BBX: variants seen among roughly 807,000 people sequenced by gnomAD.
The protein encoded by BBX is BBX high mobility group box domain containing, also known as HMG box transcription factor BBX.
BBX carries 30 observed loss-of-function variants against 100.2 expected under a neutral mutation model. That is an observed-to-expected ratio of 0.30 (90% CI 0.22 to 0.41). The LOEUF is 0.41. Among genes scored for constraint, BBX ranks in the 10% least tolerant of loss-of-function variants. The probability of loss-of-function intolerance (pLI) is 1.00; values close to 1 mark genes in which losing one functional copy is unlikely to be tolerated. For synonymous variants in BBX, 376 were observed against 388.1 expected (o/e 0.97, Z 0.37); for missense variants, 1,023 against 1,129.8 (o/e 0.91, Z 1.35).
chr3:107,791,124 G>T (rs1426427205), intron 14 of BBX, 116 bp from the exon 15 acceptor site: 7 of 748,164 alleles, frequency 9.4e-6, no homozygotes, highest in Non-Finnish European at 1.6e-5. Flanking sequence ...ATAAAATTCA[G>T]CTTTATTTGT....
intron 16 of BBX, among the ~76,000 whole-genome samples, chr3:107,799,805 C>A (rs1234446471): frequency 6.6e-6 from 1 of 152,148 alleles, no homozygotes; most frequent in Non-Finnish European, 1.5e-5. Context: ...TTCCTGGTAG[C>A]CTCTTTGGCA....
At chr3:107,608,151 G>C (rs2107644757) in intron 2 of BBX, among the ~76,000 whole-genome samples, 1 of 152,196 alleles carries the variant, frequency 6.6e-6, no homozygotes, top group Non-Finnish European at 1.5e-5. Flanking sequence ...CAAAGTCCTG[G>C]CAAGTTTCTC....
At chr3:107,718,182 TATTA>T (rs1430882912) in intron 5 of BBX, among the ~76,000 whole-genome samples, 1 of 148,142 alleles carries the variant, frequency 6.8e-6, no homozygotes, top group Non-Finnish European at 1.5e-5. Flanking sequence ...TTACCATAAT[TATTA>T]ATTATATTAG....
chr3:107,641,944 G>T (rs904199323), intron 2 of BBX: 3 of 152,110 alleles, frequency 2.0e-5, no homozygotes, highest in Non-Finnish European at 4.4e-5. Flanking sequence ...GTATGTGAGT[G>T]TATATATGTT....
At chr3:107,742,736 T>A (rs577710926) in intron 7 of BBX, among the ~76,000 whole-genome samples, 1 of 152,198 alleles carries the variant, frequency 6.6e-6, no homozygotes, top group South Asian at 2.1e-4. Context: ...TGTAGACTTA[T>A]TTGATTGCAT....
chr3:107,793,298 G>C (rs2069247325), intron 15 of BBX, among the ~76,000 whole-genome samples: 1 of 152,066 alleles, frequency 6.6e-6, no homozygotes, highest in Non-Finnish European at 1.5e-5. Context: ...CAGAAATATA[G>C]TTATAATTGG....
chr3:107,632,765 C>T (rs1463915523), intron 2 of BBX, among the ~76,000 whole-genome samples: 1 of 152,112 alleles, frequency 6.6e-6, no homozygotes, highest in Non-Finnish European at 1.5e-5. Flanking sequence ...GCATTCTCTA[C>T]CCTGCAAGGT....
intron 3 of BBX, among the ~76,000 whole-genome samples, chr3:107,685,330 G>GT (rs1276238571): frequency 6.6e-6 from 1 of 152,140 alleles, no homozygotes; most frequent in Non-Finnish European, 1.5e-5. Context: ...GTTTAATCAG[G>GT]TGTTTGGTAT....
chr3:107,752,872 T>C (rs966682598), intron 9 of BBX, among the ~76,000 whole-genome samples: 6 of 152,144 alleles, frequency 3.9e-5, no homozygotes, highest in Non-Finnish European at 7.3e-5. Context: ...AGCTGACCAG[T>C]CATTGGAAAA....
intron 2 of BBX, among the ~76,000 whole-genome samples, chr3:107,603,130 A>AT (rs1174902279): frequency 2.7e-5 from 4 of 147,816 alleles, no homozygotes; most frequent in Non-Finnish European, 4.5e-5. Context: ...TGCCTGGCTA[A>AT]TTTTTTTTTG....
chr3:107,571,430 C>T (rs1002108021), intron 2 of BBX, among the ~76,000 whole-genome samples: 8 of 152,056 alleles, frequency 5.3e-5, no homozygotes, highest in Admixed American at 3.9e-4. Flanking sequence ...TTTGGGTTTC[C>T]GGATAAAATG....
intron 2 of BBX, among the ~76,000 whole-genome samples, chr3:107,645,567 G>C (rs1202882552): frequency 6.6e-6 from 1 of 152,082 alleles, no homozygotes; most frequent in African/African-American, 2.4e-5. Context: ...GTTATTGCCC[G>C]TGATTAATTC....
intron 2 of BBX, among the ~76,000 whole-genome samples, chr3:107,617,573 C>A (rs1303906570): frequency 6.6e-6 from 1 of 152,078 alleles, no homozygotes; most frequent in Non-Finnish European, 1.5e-5. Context: ...TTACAGTTTT[C>A]AGCATATGTA....
At chr3:107,543,639 A>T (rs2049013377) in intron 2 of BBX, among the ~76,000 whole-genome samples, 1 of 152,246 alleles carries the variant, frequency 6.6e-6, no homozygotes, top group Non-Finnish European at 1.5e-5. Context: ...TTGCAAAACA[A>T]TAACACATTG....
rs1474440785 is a variant in BBX at position 107,806,454 on chromosome 3, C to T, written c.*997C>T. The T allele has an allele frequency of 6.6e-6, 1 of 152,238 alleles. No individual in the cohort carries two copies. Among genetic ancestry groups the T allele is most frequent in the African/African-American group, 2.4e-5 (1 of 41,460 alleles). The allele number at this position is 152,238 out of a possible 1,614,324, so 9.4% of individuals were successfully genotyped here. The stretch of plus-strand genomic sequence containing the variant: ...ACTTGGAGCTACAGACCTTTTACAT[C>T]CATCACAGATTGGCTGGACGGGTTG... On this transcript the variant is annotated 3_prime_UTR_variant, in exon 18 of 18. Transcript: ENST00000325805.
chr3:107,658,480 C>T (rs912798554), intron 3 of BBX, among the ~76,000 whole-genome samples: 4 of 152,120 alleles, frequency 2.6e-5, no homozygotes, highest in Non-Finnish European at 4.4e-5. Context: ...TCTTCTTTCA[C>T]ACTTAGTGAA....
chr3:107,595,704 C>T (rs2053628052), intron 2 of BBX, among the ~76,000 whole-genome samples: 1 of 152,124 alleles, frequency 6.6e-6, no homozygotes, highest in Non-Finnish European at 1.5e-5. Flanking sequence ...TTAAATTGTT[C>T]TATACCTTAC....
intron 2 of BBX, among the ~76,000 whole-genome samples, chr3:107,563,205 A>G (rs1011269031): frequency 6.6e-6 from 1 of 152,176 alleles, no homozygotes; most frequent in Admixed American, 6.5e-5. Flanking sequence ...TTGCCCAGTC[A>G]GGGCCTGATT....
At chr3:107,565,413 T>C (rs1052671020) in intron 2 of BBX, among the ~76,000 whole-genome samples, 3 of 150,840 alleles carry the variant, frequency 2.0e-5, no homozygotes, top group Admixed American at 2.0e-4. Flanking sequence ...TAGTCTAATA[T>C]TTATTTCACT....
Sources: allele counts gnomAD v4.1 joint callset (sites outside exome capture counted in the v4.1 genomes callset), GRCh38; gene constraint gnomAD v4.1.1; transcripts MANE v1.5; gene names NCBI Gene and HGNC (gene_info 2026-07-23, HGNC 2026-07-21).